MARCHF1: variants seen among roughly 807,000 people sequenced by gnomAD.
MARCHF1 encodes the protein membrane associated ring-CH-type finger 1, also known as E3 ubiquitin-protein ligase MARCHF1.
Under a neutral mutation model 54.2 loss-of-function variants are expected in MARCHF1, and 40 were observed. That is an observed-to-expected ratio of 0.74 (90% CI 0.57 to 0.96). The LOEUF is 0.96. Among genes scored for constraint, MARCHF1 ranks in the 40% least tolerant of loss-of-function variants. The pLI is 0.00. For synonymous variants in MARCHF1, 236 were observed against 236.3 expected (o/e 1.00, Z 0.01); for missense variants, 586 against 656.5 (o/e 0.89, Z 1.17).
intron 8 of MARCHF1, among the ~76,000 whole-genome samples, chr4:163,557,513 C>G (rs1046761329): frequency 6.6e-6 from 1 of 152,028 alleles, no homozygotes; most frequent in Non-Finnish European, 1.5e-5. Context: ...ATTCCTGAGG[C>G]CTTTATGCTT....
At chr4:163,558,329 A>G (rs967669789) in intron 8 of MARCHF1, among the ~76,000 whole-genome samples, 3 of 152,242 alleles carry the variant, frequency 2.0e-5, no homozygotes, top group African/African-American at 7.2e-5. Context: ...TGGGGTAGAA[A>G]GCATGATTAC....
At chr4:164,132,410 T>C (rs887606681) in intron 1 of MARCHF1, among the ~76,000 whole-genome samples, 2 of 152,198 alleles carry the variant, frequency 1.3e-5, no homozygotes, top group African/African-American at 4.8e-5. Context: ...TAAATGTAGA[T>C]GTTTGATTAG....
intron 4 of MARCHF1, among the ~76,000 whole-genome samples, chr4:163,754,728 CTT>C (rs5863625): frequency 4.0e-5 from 6 of 149,796 alleles, no homozygotes; most frequent in African/African-American, 4.9e-5. Context: ...GTTAAAGACT[CTT>C]TTTTTTTTAG....
intron 5 of MARCHF1, among the ~76,000 whole-genome samples, chr4:163,675,428 G>A (rs1463797655): frequency 6.6e-6 from 1 of 152,186 alleles, no homozygotes; most frequent in East Asian, 1.9e-4. Flanking sequence ...GGAACGTGGG[G>A]TAGCCAAATT....
At chr4:164,345,087 C>T (rs1304314072) in intron 1 of MARCHF1, among the ~76,000 whole-genome samples, 3 of 152,050 alleles carry the variant, frequency 2.0e-5, no homozygotes, top group African/African-American at 7.2e-5. Context: ...TGTAGGATAA[C>T]TGTAGTTATC....
intron 1 of MARCHF1, among the ~76,000 whole-genome samples, chr4:164,241,865 C>T (rs186929910): frequency 5.9e-5 from 9 of 152,248 alleles, no homozygotes; most frequent in South Asian, 2.1e-4. Context: ...AAAGGGGTGA[C>T]GGATGGCACC....
chr4:164,061,384 AT>A (rs1754611528), intron 2 of MARCHF1, among the ~76,000 whole-genome samples: 1 of 151,724 alleles, frequency 6.6e-6, no homozygotes, highest in Non-Finnish European at 1.5e-5. Flanking sequence ...CCTTGGAGAT[AT>A]TGTAGGTTCA....
chr4:163,984,970 C>G (rs141364658), intron 3 of MARCHF1, among the ~76,000 whole-genome samples: 2 of 152,150 alleles, frequency 1.3e-5, no homozygotes, highest in Non-Finnish European at 2.9e-5. Flanking sequence ...TGTGGTTTTC[C>G]CAAGGTGTAG....
intron 5 of MARCHF1, among the ~76,000 whole-genome samples, chr4:163,663,872 T>C (rs1043396500): frequency 3.3e-5 from 5 of 152,060 alleles, no homozygotes; most frequent in African/African-American, 1.2e-4. Context: ...ACTACTAGAT[T>C]GTTTATCAGA....
chr4:164,219,260 T>C (rs895917538), intron 1 of MARCHF1, among the ~76,000 whole-genome samples: 14 of 152,164 alleles, frequency 9.2e-5, no homozygotes, highest in Non-Finnish European at 1.5e-4. Context: ...CTAACGAACA[T>C]GATTTTTCAA....
intron 7 of MARCHF1, among the ~76,000 whole-genome samples, chr4:163,599,252 T>TG (rs1740870308): frequency 6.6e-6 from 1 of 151,476 alleles, no homozygotes; most frequent in Admixed American, 6.6e-5. Context: ...ACTGTGCCAC[T>TG]GCACTCCAGC....
intron 5 of MARCHF1, among the ~76,000 whole-genome samples, chr4:163,687,932 C>A (rs1364635824): frequency 2.0e-5 from 3 of 152,100 alleles, no homozygotes; most frequent in African/African-American, 7.2e-5. Flanking sequence ...GTAATTAGTG[C>A]AATAGAGATT....
chr4:164,241,220 A>G (rs1209046608), intron 1 of MARCHF1, among the ~76,000 whole-genome samples: 1 of 151,980 alleles, frequency 6.6e-6, no homozygotes, highest in African/African-American at 2.4e-5. Flanking sequence ...TTCATCCCCA[A>G]CCAATCAGCA....
intron 3 of MARCHF1, among the ~76,000 whole-genome samples, chr4:163,980,048 C>T (rs528143980): frequency 0.012 from 1,869 of 150,468 alleles, 14 homozygotes; most frequent in Non-Finnish European, 0.015. Flanking sequence ...AAAAAGAGCC[C>T]GCATCGCCAA....
intron 3 of MARCHF1, among the ~76,000 whole-genome samples, chr4:163,958,999 G>A (rs1752286356): frequency 6.6e-6 from 1 of 151,794 alleles, no homozygotes. Context: ...AAAAATGAAG[G>A]CAATTTGAAG....
At chr4:163,653,265 C>T (rs1309599919) in intron 5 of MARCHF1, among the ~76,000 whole-genome samples, 1 of 151,652 alleles carries the variant, frequency 6.6e-6, no homozygotes. Context: ...TGCAGCAGAG[C>T]AGGTGAGAGA....
intron 3 of MARCHF1, among the ~76,000 whole-genome samples, chr4:163,919,978 G>A (rs190196514): frequency 6.6e-6 from 1 of 152,250 alleles, no homozygotes; most frequent in East Asian, 1.9e-4. Flanking sequence ...ATCTTGGTAG[G>A]TGATAAGTCT....
At chr4:163,967,717 G>C (rs948428076) in intron 3 of MARCHF1, among the ~76,000 whole-genome samples, 3 of 152,124 alleles carry the variant, frequency 2.0e-5, no homozygotes, top group Admixed American at 2.0e-4. Context: ...TACATAAAGA[G>C]AGGGGGAATT....
At chr4:163,702,071 G>A (rs1410173870) in intron 4 of MARCHF1, among the ~76,000 whole-genome samples, 1 of 152,196 alleles carries the variant, frequency 6.6e-6, no homozygotes, top group African/African-American at 2.4e-5. Flanking sequence ...ACTGTGTCAT[G>A]TGCAGGCTTA....
Sources: gnomAD v4.1 joint callset for allele counts (sites outside exome capture counted in the v4.1 genomes callset) on GRCh38, gnomAD v4.1.1 for gene constraint, MANE v1.5 for transcripts, NCBI Gene and HGNC (gene_info 2026-07-23, HGNC 2026-07-21) for gene names.